The following ASCC3 variants were observed in gnomAD, a reference collection of about 807,000 sequenced individuals.
The protein encoded by ASCC3 is activating signal cointegrator 1 complex subunit 3, also known as ASC-1 complex subunit P200.
ASCC3 carries 158 observed loss-of-function variants against 256.3 expected under a neutral mutation model. That is an observed-to-expected ratio of 0.62 (90% confidence interval 0.54 to 0.70). The LOEUF (loss-of-function observed/expected upper bound fraction) is 0.70. Ranked by LOEUF, ASCC3 falls within the 30% of genes least tolerant of loss-of-function variation. The pLI is 0.00. For missense variants in ASCC3, 2,259 were observed against 2,626.0 expected (o/e 0.86, Z 3.05); for synonymous variants, 948 against 883.4 (o/e 1.07, Z -1.30).
chr6:100,587,222 T>C (rs985393631), intron 36 of ASCC3, among the ~76,000 whole-genome samples: 3 of 151,748 alleles, frequency 2.0e-5, no homozygotes, highest in African/African-American at 7.3e-5. Context: ...AAAACCACAA[T>C]GAGATTAATA....
chr6:100,560,969 CT>C (rs1048712254), intron 36 of ASCC3, among the ~76,000 whole-genome samples: 2 of 151,936 alleles, frequency 1.3e-5, no homozygotes, highest in Non-Finnish European at 2.9e-5. Context: ...AGACATTAAA[CT>C]TCTAGGGTGT....
In ASCC3 at chr6:100,628,102, A is replaced by C. The variant is rs991912827; in HGVS notation, c.4376-115T>G. On this transcript the variant is annotated intron_variant, in intron 27 of 41. Coordinates refer to ENST00000369162, the MANE Select transcript of ASCC3 (RefSeq NM_006828.4). ...TCAAAAAACAAAAACAAAAAAAAAAACAAAAAAAAAGCTAAAGCTAGAACT... is the reference window on the plus strand; with the variant it reads ...TCAAAAAACAAAAACAAAAAAAAAACCAAAAAAAAAGCTAAAGCTAGAACT... The C allele has an allele frequency of 1.3e-4, 144 of 1,070,446 alleles. No individual in the cohort carries two copies. Among genetic ancestry groups the C allele is most frequent in the Non-Finnish European group, 1.7e-4 (128 of 743,388 alleles). The allele number at this position is 1,070,446 out of a possible 1,614,324, so 66.3% of individuals were successfully genotyped here.
intron 25 of ASCC3, among the ~76,000 whole-genome samples, chr6:100,633,124 C>T (rs73500994): frequency 0.013 from 1,904 of 152,196 alleles, 44 homozygotes; most frequent in African/African-American, 0.045. Context: ...TACTTGTAGT[C>T]AATTGTGGTC....
At chr6:100,769,197 G>C (rs1213914390) in intron 8 of ASCC3, among the ~76,000 whole-genome samples, 1 of 152,070 alleles carries the variant, frequency 6.6e-6, no homozygotes, top group Non-Finnish European at 1.5e-5. Flanking sequence ...GAGTATAATA[G>C]TGGTTACCAG....
intron 14 of ASCC3, among the ~76,000 whole-genome samples, chr6:100,676,681 A>G (rs936547660): frequency 2.0e-5 from 3 of 152,188 alleles, no homozygotes; most frequent in African/African-American, 7.2e-5. Flanking sequence ...GAAAAGACTC[A>G]TTTCAGTTGC....
intron 10 of ASCC3, among the ~76,000 whole-genome samples, chr6:100,766,138 T>C (rs921990134): frequency 6.6e-6 from 1 of 152,200 alleles, no homozygotes; most frequent in African/African-American, 2.4e-5. Flanking sequence ...ATAATAACTT[T>C]GCATTTGATG....
At chr6:100,852,355 G>A (rs1348888458) in intron 3 of ASCC3, among the ~76,000 whole-genome samples, 1 of 152,096 alleles carries the variant, frequency 6.6e-6, no homozygotes, top group Non-Finnish European at 1.5e-5. Flanking sequence ...GAGATGGAAC[G>A]GCTTTGGACA....
Position 100,800,401 on chromosome 6 carries a change from A to G in ASCC3, c.1026T>C (p.Arg342=). ...QEKQLMKQYR[R]EEKRIARREK... is the part of the protein sequence containing the mutation. ...CTCGTCTGGCAATTCTTTTTTCTTC[A>G]CGTCGATATTGTTTCATTAACTGCT... is the stretch of plus-strand genomic sequence containing the variant. Residue 342 remains arginine (R), a synonymous_variant, in exon 6 of 42, where the codon CGT becomes CGC. Coordinates refer to ENST00000369162, the MANE Select transcript of ASCC3 (RefSeq NM_006828.4). 6.2e-7 allele frequency: 1 copy of G among 1,612,694 alleles called. No individual in the cohort carries two copies. The highest frequency in any genetic ancestry group is 8.5e-7 in the Non-Finnish European group (1 of 1,179,264).
At chr6:100,672,766 T>C (rs1406078295) in intron 14 of ASCC3, among the ~76,000 whole-genome samples, 1 of 152,120 alleles carries the variant, frequency 6.6e-6, no homozygotes, top group Non-Finnish European at 1.5e-5. Context: ...ATAAATTCTT[T>C]TTTATTTAAA....
chr6:100,834,890 A>G (rs1226809776), intron 4 of ASCC3, among the ~76,000 whole-genome samples: 1 of 152,180 alleles, frequency 6.6e-6, no homozygotes, highest in African/African-American at 2.4e-5. Context: ...TCATGGATAG[A>G]TAACTGTTTT....
intron 8 of ASCC3, among the ~76,000 whole-genome samples, chr6:100,786,137 C>A (rs1769065176): frequency 2.0e-5 from 3 of 152,114 alleles, no homozygotes; most frequent in Non-Finnish European, 4.4e-5. Context: ...ACAATCATAA[C>A]AAGCTCTACT....
At chr6:100,639,588 G>T (rs1010252925) in intron 24 of ASCC3, among the ~76,000 whole-genome samples, 1 of 152,094 alleles carries the variant, frequency 6.6e-6, no homozygotes, top group African/African-American at 2.4e-5. Flanking sequence ...TGAACAAGAA[G>T]AAATAATCCA....
chr6:100,766,227 T>G, intron 10 of ASCC3, among the ~76,000 whole-genome samples: 1 of 152,218 alleles, frequency 6.6e-6, no homozygotes, highest in East Asian at 1.9e-4. Context: ...GCAATCATTT[T>G]AAGATCTATA....
intron 34 of ASCC3, among the ~76,000 whole-genome samples, chr6:100,600,208 C>CACAA (rs1210047925): frequency 6.2e-5 from 2 of 32,278 alleles, no homozygotes; most frequent in East Asian, 3.3e-4. Flanking sequence ...TGCACATGCA[C>CACAA]ACACACACAC....
intron 1 of ASCC3, among the ~76,000 whole-genome samples, chr6:100,870,340 G>T (rs1304310748): frequency 6.7e-6 from 1 of 150,094 alleles, no homozygotes; most frequent in Non-Finnish European, 1.5e-5. Context: ...CTCCAGCTAG[G>T]GTGACAGAGT....
At chr6:100,739,436 A>C (rs552160871) in intron 10 of ASCC3, among the ~76,000 whole-genome samples, 110 of 152,304 alleles carry the variant, frequency 7.2e-4, no homozygotes, top group African/African-American at 2.6e-3. Context: ...TTTTGGCATC[A>C]GGATGATGCT....
chr6:100,515,896 A>G (rs1774000194), intron 39 of ASCC3, among the ~76,000 whole-genome samples: 1 of 152,104 alleles, frequency 6.6e-6, no homozygotes, highest in African/African-American at 2.4e-5. Flanking sequence ...TGCCAATACC[A>G]CTATTAATTA....
chr6:100,581,745 T>C, intron 36 of ASCC3, among the ~76,000 whole-genome samples: 1 of 152,080 alleles, frequency 6.6e-6, no homozygotes, highest in East Asian at 1.9e-4. Flanking sequence ...TAATCCATCT[T>C]GGATTGATTT....
chr6:100,566,372 A>T (rs1770250490), intron 36 of ASCC3, among the ~76,000 whole-genome samples: 1 of 152,154 alleles, frequency 6.6e-6, no homozygotes, highest in South Asian at 2.1e-4. Flanking sequence ...ATTCGAACCC[A>T]TGTTTCTGAA....
Sources: gnomAD v4.1 joint callset for allele counts (sites outside exome capture counted in the v4.1 genomes callset) on GRCh38, gnomAD v4.1.1 for gene constraint, MANE v1.5 for transcripts, NCBI Gene and HGNC (gene_info 2026-07-23, HGNC 2026-07-21) for gene names.